Variants in PTPRO observed in about 807,000 individuals in gnomAD.
PTPRO encodes receptor-type tyrosine-protein phosphatase O.
PTPRO carries 62 observed loss-of-function variants against 145.2 expected under a neutral mutation model. That is an observed-to-expected ratio of 0.43 (90% CI 0.35 to 0.53). The LOEUF (loss-of-function observed/expected upper bound fraction) is 0.53. Ranked by LOEUF, PTPRO falls within the 20% of genes least tolerant of loss-of-function variation. PTPRO has a pLI of 0.01. For synonymous variants in PTPRO, 565 were observed against 514.7 expected, an observed-to-expected ratio of 1.10 and a Z score of -1.32; for missense variants, 1,345 against 1,482.7, an observed-to-expected ratio of 0.91 and a Z score of 1.53.
In PTPRO at chr12:15,420,364, C is replaced by A. The variant is rs1185598344; in HGVS notation, c.76-63610C>A. On this transcript the variant is annotated intron_variant, in intron 1 of 26. Coordinates refer to ENST00000281171, the MANE Select transcript of PTPRO (RefSeq NM_030667.3). The stretch of plus-strand genomic sequence containing the variant: ...TCATGCCAGCCACTTCATACCTAAT[C>A]CTCCACCATTGCTACCGCCAGTGTC... Among the ~76,000 whole-genome samples the A allele has an allele frequency of 1.3e-5, 2 of 151,540 alleles. 1 individual carries two copies. Among genetic ancestry groups the A allele is most frequent in the African/African-American group, 4.9e-5 (2 of 40,876 alleles).
At chr12:15,567,410 G>T (rs1943928409) in intron 18 of PTPRO, among the ~76,000 whole-genome samples, 1 of 150,498 alleles carries the variant, frequency 6.6e-6, no homozygotes, top group Non-Finnish European at 1.5e-5. Context: ...GTAGATATTT[G>T]TCCTTTTGGT....
At position 15,494,717 on chromosome 12, in the gene PTPRO, C is replaced by T. The variant is rs527866094; in HGVS notation, c.350-2528C>T. ...AATTGGAAAATAAAATATCTGTTCT[C>T]TAATCCTCCTGTCTGTCTTGAATTT... On this transcript the variant is annotated intron_variant, in intron 2 of 26. Transcript: ENST00000281171. 6.7e-4 allele frequency among the ~76,000 whole-genome samples: 102 copies of T among 152,326 alleles called. 1 individual carries two copies. Among genetic ancestry groups the T allele is most frequent in the Non-Finnish European group, 1.1e-3 (78 of 68,038 alleles).
chr12:15,323,305 G>A (rs1320473410), intron 1 of PTPRO, among the ~76,000 whole-genome samples: 2 of 152,136 alleles, frequency 1.3e-5, no homozygotes, highest in Non-Finnish European at 2.9e-5. Context: ...CTTTGAATAA[G>A]GAGTGTCAGG....
intron 1 of PTPRO, among the ~76,000 whole-genome samples, chr12:15,380,731 C>G (rs574489229): frequency 1.3e-5 from 2 of 152,260 alleles, no homozygotes; most frequent in Admixed American, 6.5e-5. Context: ...TACGTAACCT[C>G]TACTGCACTA....
At chr12:15,574,411 A>G (rs567903989) in intron 19 of PTPRO, among the ~76,000 whole-genome samples, 4 of 152,354 alleles carry the variant, frequency 2.6e-5, no homozygotes, top group Admixed American at 2.6e-4. Flanking sequence ...CATATTGCTC[A>G]TTCTGCTATT....
chr12:15,416,608 C>G (rs983349691), intron 1 of PTPRO, among the ~76,000 whole-genome samples: 1 of 151,450 alleles, frequency 6.6e-6, no homozygotes, highest in African/African-American at 2.4e-5. Flanking sequence ...CATGAGCCAC[C>G]GCGCCCAGCC....
intron 2 of PTPRO, 80 bp downstream of exon 2, chr12:15,484,327 C>A (rs1372656384): frequency 6.5e-7 from 1 of 1,543,756 alleles, no homozygotes; most frequent in Admixed American, 1.7e-5. Context: ...TTGACAGACT[C>A]CACCCAGAAT....
rs3085503 is a variant in PTPRO at position 15,469,768 on chromosome 12, CAAA to C, written c.76-14189_76-14187del. Among the ~76,000 whole-genome samples the C allele has an allele frequency of 9.3e-3, 1,031 of 110,388 alleles. 29 individuals carry two copies. The East Asian group carries it at 0.14, about 15-fold the overall frequency. The allele number at this position is 110,388 out of a possible 152,430, so 72.4% of individuals were successfully genotyped here. A position where few individuals can be genotyped will look rare whatever the true frequency, so the allele number is the denominator to read the frequency against. On this transcript the variant is annotated intron_variant, in intron 1 of 26. Coordinates refer to ENST00000281171, the MANE Select transcript of PTPRO (RefSeq NM_030667.3). ...AGGAATCATGGCGTTAGTGTCCTGA[CAAA>C]AAAAAAAAAAAAAAAATACAGCTTC...
At chr12:15,543,393 C>G (rs773502967) in intron 12 of PTPRO, among the ~76,000 whole-genome samples, 1 of 152,190 alleles carries the variant, frequency 6.6e-6, no homozygotes, top group Non-Finnish European at 1.5e-5. Context: ...GTATTCATGT[C>G]GTATTCCTTG....
chr12:15,539,223 G>A (rs1172023119), intron 12 of PTPRO, among the ~76,000 whole-genome samples: 1 of 151,796 alleles, frequency 6.6e-6, no homozygotes. Context: ...TGTTATGTGG[G>A]TAATGAATAC....
At chr12:15,426,892 T>G (rs189729734) in intron 1 of PTPRO, among the ~76,000 whole-genome samples, 3 of 152,180 alleles carry the variant, frequency 2.0e-5, no homozygotes, top group Admixed American at 1.3e-4. Context: ...GGGTATTGAC[T>G]GTTAATATAT....
At chr12:15,365,532 A>G (rs1938334558) in intron 1 of PTPRO, among the ~76,000 whole-genome samples, 1 of 152,126 alleles carries the variant, frequency 6.6e-6, no homozygotes, top group African/African-American at 2.4e-5. Flanking sequence ...CCTACAACAC[A>G]GAGATTGAAA....
intron 15 of PTPRO, among the ~76,000 whole-genome samples, chr12:15,554,699 G>A (rs969773367): frequency 2.6e-5 from 4 of 152,054 alleles, no homozygotes; most frequent in Non-Finnish European, 4.4e-5. Flanking sequence ...GTTAGATTGT[G>A]CCCACCCAAT....
chr12:15,431,430 T>C (rs1372389620), intron 1 of PTPRO, among the ~76,000 whole-genome samples: 1 of 152,242 alleles, frequency 6.6e-6, no homozygotes, highest in Non-Finnish European at 1.5e-5. Context: ...ATTTGATCTT[T>C]TTCTCACTTC....
At chr12:15,494,619 A>C (rs1045939626) in intron 2 of PTPRO, among the ~76,000 whole-genome samples, 5 of 152,076 alleles carry the variant, frequency 3.3e-5, no homozygotes, top group Non-Finnish European at 7.4e-5. Flanking sequence ...AGGGAAACAT[A>C]AAAAAAACAT....
intron 1 of PTPRO, among the ~76,000 whole-genome samples, chr12:15,327,069 T>C (rs1866465936): frequency 6.6e-6 from 1 of 152,234 alleles, no homozygotes; most frequent in Non-Finnish European, 1.5e-5. Context: ...TATGAAATAT[T>C]GTAATATTGA....
intron 1 of PTPRO, among the ~76,000 whole-genome samples, chr12:15,360,858 G>GTA (rs1193252372): frequency 2.8e-5 from 3 of 108,228 alleles, no homozygotes; most frequent in Admixed American, 1.9e-4. Context: ...ATATGTGTGT[G>GTA]TATATATGTG....
intron 17 of PTPRO, among the ~76,000 whole-genome samples, chr12:15,562,524 T>C (rs1016179388): frequency 6.6e-6 from 1 of 152,054 alleles, no homozygotes; most frequent in African/African-American, 2.4e-5. Flanking sequence ...CACTAGTGGT[T>C]TGTGTGGAAA....
intron 1 of PTPRO, among the ~76,000 whole-genome samples, chr12:15,403,544 C>T (rs1346828063): frequency 6.6e-6 from 1 of 152,184 alleles, no homozygotes; most frequent in Admixed American, 6.5e-5. Flanking sequence ...GATGGCGCCA[C>T]TGCACTCCAG....
Sources: gnomAD v4.1 joint callset for allele counts (sites outside exome capture counted in the v4.1 genomes callset) on GRCh38, gnomAD v4.1.1 for gene constraint, MANE v1.5 for transcripts, NCBI Gene and HGNC (gene_info 2026-07-23, HGNC 2026-07-21) for gene names.